Variants in KIFAP3 observed in about 807,000 individuals in gnomAD.
KIFAP3 encodes kinesin associated protein 3.
A neutral mutation model predicts 106.5 loss-of-function variants in KIFAP3; 68 were observed. The ratio of observed to expected loss-of-function variants is 0.64; its 90% CI spans 0.53 to 0.78. KIFAP3 has a LOEUF of 0.78. KIFAP3 is among the 30% of genes least tolerant of loss of function. The pLI is 0.00. For synonymous variants in KIFAP3, 320 were observed against 311.5 expected (o/e 1.03, Z -0.29); for missense variants, 780 against 941.8 (o/e 0.83, Z 2.25).
intron 1 of KIFAP3, 127 bp downstream of exon 1, chr1:170,074,309 G>A: frequency 8.9e-7 from 1 of 1,122,080 alleles, no homozygotes; most frequent in Non-Finnish European, 1.3e-6. Flanking sequence ...TCCTTTCGGT[G>A]ACTTCTCTCC....
intron 19 of KIFAP3, among the ~76,000 whole-genome samples, chr1:169,946,393 A>C (rs1480922445): frequency 6.6e-6 from 1 of 152,150 alleles, no homozygotes; most frequent in African/African-American, 2.4e-5. Flanking sequence ...GGTAAACAGT[A>C]TGTCATGTTG....
At chr1:170,020,302 T>C (rs544688209) in intron 9 of KIFAP3, among the ~76,000 whole-genome samples, 1 of 152,200 alleles carries the variant, frequency 6.6e-6, no homozygotes, top group African/African-American at 2.4e-5. Flanking sequence ...TGAAAAAGAA[T>C]ACCAACATTG....
intron 1 of KIFAP3, among the ~76,000 whole-genome samples, chr1:170,069,326 A>G (rs181859238): frequency 5.3e-5 from 8 of 152,250 alleles, no homozygotes; most frequent in Non-Finnish European, 8.8e-5. Flanking sequence ...TCCAAAAGAT[A>G]TAACAGTAGA....
At chr1:170,026,642 C>G (rs943200693) in intron 8 of KIFAP3, among the ~76,000 whole-genome samples, 12 of 152,248 alleles carry the variant, frequency 7.9e-5, no homozygotes, top group Admixed American at 6.5e-5. Context: ...GGAGTTCTAA[C>G]AGAGGTCTCC....
chr1:170,030,321 A>T (rs1360895504), intron 8 of KIFAP3, among the ~76,000 whole-genome samples: 1 of 151,964 alleles, frequency 6.6e-6, no homozygotes, highest in African/African-American at 2.4e-5. Context: ...ACATCAGGAG[A>T]TGCTCAACAT....
chr1:169,985,592 C>T (rs1487784577), intron 11 of KIFAP3, among the ~76,000 whole-genome samples: 1 of 151,764 alleles, frequency 6.6e-6, no homozygotes, highest in Admixed American at 6.6e-5. Flanking sequence ...GTTTAAGCTG[C>T]TTATGTGATA....
rs371717909 is a variant in KIFAP3 at position 170,082,962 on chromosome 1, G to T, written n.174+2073C>A. ...CACTCCAGCCTGGGCAACAGAGCAA[G>T]ACTCTGTCTCAAAAAATAATAATAA... On this transcript the variant is annotated intron_variant and non_coding_transcript_variant, in intron 1 of 5. Transcript: ENST00000490550. Among the ~76,000 whole-genome samples the T allele has an allele frequency of 3.3e-5, 5 of 152,208 alleles. No individual in the cohort carries two copies. In the East Asian group the frequency reaches 7.7e-4, roughly 24 times the overall value.
chr1:169,972,385 A>G (rs1274638020), intron 17 of KIFAP3, 128 bp downstream of exon 17: 1 of 585,040 alleles, frequency 1.7e-6, no homozygotes, highest in Non-Finnish European at 3.1e-6. Context: ...GTATCATTGT[A>G]TATCCTGAAT....
chr1:169,942,816 G>A (rs1388465866), intron 19 of KIFAP3, among the ~76,000 whole-genome samples: 3 of 151,680 alleles, frequency 2.0e-5, no homozygotes. Context: ...TTTATGAGCT[G>A]TCATAGCAGT....
intron 17 of KIFAP3, among the ~76,000 whole-genome samples, chr1:169,964,516 G>T (rs1665502426): frequency 6.6e-6 from 1 of 152,166 alleles, no homozygotes; most frequent in African/African-American, 2.4e-5. Flanking sequence ...TCGTAAGCAA[G>T]CAGTGATATG....
intron 1 of KIFAP3, among the ~76,000 whole-genome samples, chr1:170,058,808 C>A (rs2102133798): frequency 6.6e-6 from 1 of 152,116 alleles, no homozygotes; most frequent in Admixed American, 6.6e-5. Context: ...CTAACCAAAT[C>A]TAATCTTTCC....
intron 10 of KIFAP3, among the ~76,000 whole-genome samples, chr1:170,006,735 G>T (rs1403995613): frequency 6.6e-6 from 1 of 152,164 alleles, no homozygotes; most frequent in Non-Finnish European, 1.5e-5. Flanking sequence ...GTAGGGCAGA[G>T]ATCGGGAGCT....
At chr1:170,014,698 T>A (rs190012083) in intron 10 of KIFAP3, among the ~76,000 whole-genome samples, 151 of 152,212 alleles carry the variant, frequency 9.9e-4, no homozygotes, top group African/African-American at 2.4e-3. Flanking sequence ...AAATTTTTTT[T>A]AAAAAAATTA....
At chr1:170,022,629 C>T (rs1326961693) in intron 9 of KIFAP3, among the ~76,000 whole-genome samples, 2 of 152,106 alleles carry the variant, frequency 1.3e-5, no homozygotes, top group Non-Finnish European at 2.9e-5. Flanking sequence ...TTCTAAAAAT[C>T]TTGATTCTAC....
At chr1:169,924,205 C>A (rs956079410) in intron 19 of KIFAP3, among the ~76,000 whole-genome samples, 5 of 152,108 alleles carry the variant, frequency 3.3e-5, no homozygotes, top group Non-Finnish European at 2.9e-5. Flanking sequence ...AAGACTGGCC[C>A]TTGAGCACTG....
chr1:170,054,322 T>C (rs1670731273), intron 2 of KIFAP3, among the ~76,000 whole-genome samples: 1 of 152,212 alleles, frequency 6.6e-6, no homozygotes, highest in Admixed American at 6.5e-5. Context: ...AGAATGGTGA[T>C]TATTAAAAAG....
At chr1:169,987,179 T>A (rs1038787592) in intron 11 of KIFAP3, among the ~76,000 whole-genome samples, 1 of 152,114 alleles carries the variant, frequency 6.6e-6, no homozygotes, top group Non-Finnish European at 1.5e-5. Context: ...CAAAAGTAAG[T>A]GTAATTGCTG....
At chr1:170,044,602 C>CTAA (rs1670148049) in intron 3 of KIFAP3, among the ~76,000 whole-genome samples, 1 of 152,304 alleles carries the variant, frequency 6.6e-6, no homozygotes, top group East Asian at 1.9e-4. Flanking sequence ...CAGAAACAGT[C>CTAA]TAATTGGGGT....
At chr1:170,010,083 C>T (rs1668169678) in intron 10 of KIFAP3, among the ~76,000 whole-genome samples, 1 of 151,940 alleles carries the variant, frequency 6.6e-6, no homozygotes, top group South Asian at 2.1e-4. Flanking sequence ...AATGATAGAA[C>T]TGAAATGATT....
Sources: allele counts gnomAD v4.1 joint callset (sites outside exome capture counted in the v4.1 genomes callset), GRCh38; gene constraint gnomAD v4.1.1; transcripts MANE v1.5; gene names NCBI Gene and HGNC (gene_info 2026-07-23, HGNC 2026-07-21).